TANC2: variants seen among roughly 807,000 people sequenced by gnomAD.
TANC2 encodes the protein protein TANC2.
TANC2 carries 26 observed loss-of-function variants against 210.5 expected under a neutral mutation model. The observed-to-expected ratio is 0.12, with a 90% confidence interval of 0.09 to 0.17. The LOEUF (loss-of-function observed/expected upper bound fraction) is 0.17. Among genes scored for constraint, TANC2 ranks in the 10% least tolerant of loss-of-function variants. The probability of loss-of-function intolerance (pLI) is 1.00; values close to 1 mark genes in which losing one functional copy is unlikely to be tolerated. For missense variants in TANC2, 2,129 were observed against 2,608.9 expected (o/e 0.82, Z 4.01); for synonymous variants, 931 against 967.1 (o/e 0.96, Z 0.69).
chr17:63,027,003 T>C (rs1480619058), intron 2 of TANC2, among the ~76,000 whole-genome samples: 3 of 152,190 alleles, frequency 2.0e-5, no homozygotes, highest in Non-Finnish European at 4.4e-5. Flanking sequence ...GTTTTGTGAC[T>C]AATTCTTTCC....
chr17:63,351,542 G>A (rs941357736), intron 13 of TANC2, 126 bp downstream of exon 13: 21 of 672,288 alleles, frequency 3.1e-5, no homozygotes, highest in Admixed American at 4.2e-5. Flanking sequence ...AATAATTCCC[G>A]AAGAATTAAT....
Position 63,207,416 on chromosome 17 carries a change from T to C in TANC2, c.769+6459T>C, listed in dbSNP as rs374627474. Among the ~76,000 whole-genome samples, 10 of 151,812 alleles carry C rather than the reference T, an allele frequency of 6.6e-5. No homozygotes were observed. The East Asian group carries it at 1.2e-3, about 18-fold the overall frequency. ...ATTTTTAGTAGAGATGGGGTTTCAC[T>C]GTGTTAGCCAGGATAGTCTTGATCT... On this transcript the variant is annotated intron_variant, in intron 7 of 27. Coordinates refer to ENST00000689528, the Ensembl canonical transcript of TANC2.
At chr17:63,145,007 T>C (rs1051695076) in intron 4 of TANC2, among the ~76,000 whole-genome samples, 2 of 152,104 alleles carry the variant, frequency 1.3e-5, no homozygotes, top group African/African-American at 4.8e-5. Context: ...CAGATTCTAC[T>C]GGTTTTTCCT....
chr17:63,003,017 G>A (rs552104996), intron 1 of TANC2, among the ~76,000 whole-genome samples: 1 of 152,244 alleles, frequency 6.6e-6, no homozygotes, highest in South Asian at 2.1e-4. Flanking sequence ...TAGGTGTACA[G>A]TAAGTTTCAT....
chr17:62,967,008 A>G (rs1264254207), intron 1 of TANC2: 1 of 152,268 alleles, frequency 6.6e-6, no homozygotes, highest in Non-Finnish European at 1.5e-5. Flanking sequence ...TCTCTGGATG[A>G]CGGGGACCAA....
chr17:63,361,760 C>T (rs1039456596), intron 14 of TANC2, among the ~76,000 whole-genome samples: 5 of 152,336 alleles, frequency 3.3e-5, no homozygotes, highest in Admixed American at 3.3e-4. Context: ...GAGGTCTTGT[C>T]CTGCATCCAG....
chr17:63,161,640 C>A (rs1344868610), intron 5 of TANC2, among the ~76,000 whole-genome samples: 1 of 152,174 alleles, frequency 6.6e-6, no homozygotes, highest in East Asian at 1.9e-4. Context: ...TCTCCCACTT[C>A]TAAAAGTTGG....
At chr17:63,325,539 CTAT>C (rs2045621372) in intron 11 of TANC2, among the ~76,000 whole-genome samples, 1 of 152,192 alleles carries the variant, frequency 6.6e-6, no homozygotes, top group Non-Finnish European at 1.5e-5. Context: ...TTCTATCACA[CTAT>C]TATTATTACT....
At chr17:62,987,891 T>C (rs575445634) in intron 1 of TANC2, among the ~76,000 whole-genome samples, 1 of 152,202 alleles carries the variant, frequency 6.6e-6, no homozygotes, top group Admixed American at 6.5e-5. Flanking sequence ...CACTGAGTTT[T>C]TTTTGTTTGT....
rs145164118 is a variant in TANC2, at chr17:63,421,192, G to A, written c.5462G>A (p.Arg1821His). 2.8e-4 allele frequency: 455 copies of A among 1,613,980 alleles called. 2 individuals are homozygous for A. Among genetic ancestry groups the A allele is most frequent in the Non-Finnish European group, 3.4e-4 (407 of 1,179,894 alleles). The change falls in exon 28 of 28, where the codon CGC becomes CAC. Residue 1821 changes from arginine to histidine, a missense_variant. Around this residue, in one of 5 missense-constraint regions of TANC2, gnomAD observed 584 missense variants for 627.3 expected, o/e 0.93. Transcript: ENST00000689528. The surrounding 1 kb of genome is among the most constrained non-coding windows in gnomAD (Gnocchi z 6.9). ...TGTCACTCAAAACTAGATCTGGAGC[G>A]CTCCTCCAGCCAACTAGGTTCCCCT...
intron 1 of TANC2, among the ~76,000 whole-genome samples, chr17:62,990,466 G>A (rs2032802558): frequency 6.6e-6 from 1 of 151,484 alleles, no homozygotes; most frequent in Non-Finnish European, 1.5e-5. Context: ...AAAATTTTCT[G>A]TAGAGATCAG....
chr17:63,361,129 A>T (rs2046945309), intron 14 of TANC2, among the ~76,000 whole-genome samples: 1 of 152,212 alleles, frequency 6.6e-6, no homozygotes, highest in South Asian at 2.1e-4. Flanking sequence ...TCTCTTCAAT[A>T]TACTGATTTC....
chr17:63,230,294 G>A (rs1019598347), intron 7 of TANC2, among the ~76,000 whole-genome samples: 1 of 151,962 alleles, frequency 6.6e-6, no homozygotes, highest in African/African-American at 2.4e-5. Context: ...CAGTTCTGCT[G>A]TAATCTTGGT....
intron 7 of TANC2, among the ~76,000 whole-genome samples, chr17:63,233,470 A>G (rs2042537467): frequency 6.6e-6 from 1 of 152,008 alleles, no homozygotes; most frequent in Non-Finnish European, 1.5e-5. Context: ...TGGGGGTGGG[A>G]GCTCCCCTTG....
At chr17:63,288,694 C>A (rs1436193922) in intron 9 of TANC2, among the ~76,000 whole-genome samples, 1 of 152,008 alleles carries the variant, frequency 6.6e-6, no homozygotes. Context: ...TTATGTAATA[C>A]CCCTCCCTGT....
At chr17:63,295,038 A>G (rs2044492009) in intron 9 of TANC2, among the ~76,000 whole-genome samples, 2 of 152,346 alleles carry the variant, frequency 1.3e-5, no homozygotes, top group South Asian at 4.1e-4. Context: ...CATTACATTC[A>G]TCCCCGTAAT....
At chr17:63,067,352 G>A (rs1477161197) in intron 2 of TANC2, among the ~76,000 whole-genome samples, 1 of 152,114 alleles carries the variant, frequency 6.6e-6, no homozygotes, top group African/African-American at 2.4e-5. Flanking sequence ...TCTTTGGGGT[G>A]AAATAATGAA....
intron 5 of TANC2, among the ~76,000 whole-genome samples, chr17:63,183,080 T>A (rs1324372325): frequency 2.7e-5 from 4 of 146,510 alleles, no homozygotes; most frequent in African/African-American, 2.6e-5. Context: ...ACCTTTTTTT[T>A]AAACTTCAAA....
chr17:63,058,258 C>T (rs551063090), intron 2 of TANC2, among the ~76,000 whole-genome samples: 1 of 152,150 alleles, frequency 6.6e-6, no homozygotes, highest in East Asian at 1.9e-4. Flanking sequence ...TATTCATGTC[C>T]TTTGCCCACT....
Sources: allele counts gnomAD v4.1 joint callset (sites outside exome capture counted in the v4.1 genomes callset), GRCh38; gene constraint gnomAD v4.1.1; regional missense constraint gnomAD v4.1.1; non-coding constraint Gnocchi (gnomAD v3.1); transcripts MANE v1.5; gene names NCBI Gene and HGNC (gene_info 2026-07-23, HGNC 2026-07-21).